Variants in SLC13A1 observed in about 807,000 individuals in gnomAD.
SLC13A1 encodes solute carrier family 13 member 1, also known as Na(+)/sulfate cotransporter.
SLC13A1 carries 65 observed loss-of-function variants against 70.0 expected under a neutral mutation model. The observed-to-expected ratio is 0.93, with a 90% CI of 0.76 to 1.14. The LOEUF (loss-of-function observed/expected upper bound fraction) is 1.14. Ranked by LOEUF, SLC13A1 falls within the 50% of genes most tolerant of loss-of-function variation. The pLI, the probability that SLC13A1 is intolerant of heterozygous loss-of-function variation, is 0.00. For synonymous variants in SLC13A1, 275 were observed against 250.5 expected (o/e 1.10, Z -0.92); for missense variants, 726 against 717.8 (o/e 1.01, Z -0.13).
At chr7:123,188,539 A>G (rs1795892145) in intron 1 of SLC13A1, among the ~76,000 whole-genome samples, 1 of 152,264 alleles carries the variant, frequency 6.6e-6, no homozygotes, top group African/African-American at 2.4e-5. Context: ...GTATTTTCAC[A>G]GTTATTGAAC....
chr7:123,179,882 T>C (rs1795583042), intron 2 of SLC13A1, among the ~76,000 whole-genome samples: 1 of 152,170 alleles, frequency 6.6e-6, no homozygotes. Context: ...TTTGACACCC[T>C]ATTTTTAACA....
In SLC13A1 at chr7:123,162,929, A is replaced by G. The variant is rs146418030; in HGVS notation, c.660+5445T>C. The stretch of plus-strand genomic sequence containing the variant: ...TTTGAGGAATTACAACTTATATTAA[A>G]CTAATGAAAAACAATTATCTCAGAT... On this transcript the variant is annotated intron_variant, in intron 6 of 14. Coordinates refer to ENST00000194130, the MANE Select transcript of SLC13A1 (RefSeq NM_022444.4). Among the ~76,000 whole-genome samples, 374 of 152,224 alleles carry G rather than the reference A, an allele frequency of 2.5e-3. 2 individuals carry two copies. Among genetic ancestry groups the G allele is most frequent in the African/African-American group, 8.2e-3 (341 of 41,556 alleles).
intron 6 of SLC13A1, among the ~76,000 whole-genome samples, chr7:123,166,045 C>T (rs553772492): frequency 5.9e-5 from 9 of 152,120 alleles, no homozygotes; most frequent in East Asian, 2.0e-4. Context: ...TATACTTCCT[C>T]GCTGCAGTAC....
chr7:123,149,165 T>C (rs1043051996), intron 6 of SLC13A1, among the ~76,000 whole-genome samples: 6 of 152,106 alleles, frequency 3.9e-5, no homozygotes, highest in African/African-American at 1.2e-4. Context: ...AATCCACTTA[T>C]GCTGTCAAAA....
chr7:123,189,723 T>C (rs1031401978), intron 1 of SLC13A1, among the ~76,000 whole-genome samples: 1 of 152,068 alleles, frequency 6.6e-6, no homozygotes, highest in African/African-American at 2.4e-5. Context: ...AGGTCTATTA[T>C]ATATTTATTA....
intron 8 of SLC13A1, among the ~76,000 whole-genome samples, chr7:123,132,676 C>A (rs1409547890): frequency 6.6e-6 from 1 of 152,174 alleles, no homozygotes; most frequent in Non-Finnish European, 1.5e-5. Flanking sequence ...TGGCTTCAGT[C>A]TCTCTGGTTT....
intron 1 of SLC13A1, among the ~76,000 whole-genome samples, chr7:123,195,005 C>T (rs1300911215): frequency 2.0e-5 from 3 of 152,026 alleles, no homozygotes; most frequent in Non-Finnish European, 2.9e-5. Context: ...CTACTTTTGC[C>T]ATTAATATTT....
chr7:123,152,453 T>C (rs1014659110), intron 6 of SLC13A1, among the ~76,000 whole-genome samples: 2 of 152,142 alleles, frequency 1.3e-5, no homozygotes, highest in African/African-American at 4.8e-5. Flanking sequence ...ATGGTTGCAC[T>C]AATTTACATT....
intron 1 of SLC13A1, among the ~76,000 whole-genome samples, chr7:123,190,802 C>A (rs1585409102): frequency 6.6e-6 from 1 of 152,162 alleles, no homozygotes; most frequent in South Asian, 2.1e-4. Context: ...GAGCCTCAAA[C>A]ATGACACATC....
At chr7:123,120,843 G>A (rs962659391) in intron 12 of SLC13A1, among the ~76,000 whole-genome samples, 2 of 151,950 alleles carry the variant, frequency 1.3e-5, no homozygotes, top group Non-Finnish European at 2.9e-5. Context: ...TGTCTAATTA[G>A]ATGTGGAAAT....
chr7:123,146,367 G>A (rs1585327135), intron 7 of SLC13A1, among the ~76,000 whole-genome samples: 1 of 152,024 alleles, frequency 6.6e-6, no homozygotes, highest in Non-Finnish European at 1.5e-5. Context: ...TCTACTAAAA[G>A]TACAAAAATT....
rs530689374 is a variant in SLC13A1, at chr7:123,169,425, G to T, written c.366-90C>A. The T allele has an allele frequency of 2.5e-5, 30 of 1,218,360 alleles. No individual in the cohort carries two copies. In the Admixed American group the frequency reaches 4.7e-4, roughly 19 times the overall value. 75.5% of individuals were successfully genotyped at this position (1,218,360 alleles called of 1,614,324 possible). ...CTGGAAGATGTTTAAGATGTGTTTT[G>T]TGAGTTGGGAAATTAAGTCTTTCAA... On this transcript the variant is annotated intron_variant, in intron 3 of 14. Coordinates refer to ENST00000194130, the MANE Select transcript of SLC13A1 (RefSeq NM_022444.4).
rs545539088 is a variant in SLC13A1 at position 123,199,447 on chromosome 7, C to G, written c.99+401G>C. Among the ~76,000 whole-genome samples the G allele has an allele frequency of 1.2e-4, 19 of 152,136 alleles. No individual in the cohort carries two copies. In the East Asian group the frequency reaches 2.9e-3, roughly 23 times the overall value. On this transcript the variant is annotated intron_variant, in intron 1 of 14. Coordinates refer to ENST00000194130, the MANE Select transcript of SLC13A1 (RefSeq NM_022444.4). ...TTAGTCTGTGCTGGACCTAGGATTT[C>G]CCTTGTTCTTCCACCTCTGTCCCCA...
intron 6 of SLC13A1, among the ~76,000 whole-genome samples, chr7:123,151,670 A>C (rs918027315): frequency 6.6e-6 from 1 of 152,150 alleles, no homozygotes; most frequent in Non-Finnish European, 1.5e-5. Context: ...AAAGACATAG[A>C]GAAGTTAAGT....
chr7:123,165,497 T>C (rs1795040112), intron 6 of SLC13A1, among the ~76,000 whole-genome samples: 1 of 152,120 alleles, frequency 6.6e-6, no homozygotes, highest in African/African-American at 2.4e-5. Flanking sequence ...AGTGGAGGCA[T>C]CTCCTACATT....
chr7:123,142,432 A>G (rs1343592900), intron 7 of SLC13A1, among the ~76,000 whole-genome samples: 1 of 152,100 alleles, frequency 6.6e-6, no homozygotes, highest in Admixed American at 6.5e-5. Flanking sequence ...GGTGCTCTAC[A>G]CCGCTGTGGC....
chr7:123,186,969 G>C (rs1432247597), intron 1 of SLC13A1, among the ~76,000 whole-genome samples: 4 of 147,290 alleles, frequency 2.7e-5, no homozygotes, highest in Admixed American at 6.7e-5. Context: ...TAAAGAAAGA[G>C]AAAAGAGGGG....
At chr7:123,149,326 G>A (rs757139427) in intron 6 of SLC13A1, 13 of 365,880 alleles carry the variant, frequency 3.6e-5, no homozygotes, top group South Asian at 1.5e-4. Flanking sequence ...ATTCAGCCAC[G>A]AGTTTTTACT....
intron 1 of SLC13A1, among the ~76,000 whole-genome samples, chr7:123,191,092 C>T (rs562573026): frequency 9.3e-4 from 142 of 152,206 alleles, no homozygotes; most frequent in African/African-American, 3.1e-3. Context: ...TTCTTCTGCA[C>T]TCCTTGTTTC....
Sources: gnomAD v4.1 joint callset for allele counts (sites outside exome capture counted in the v4.1 genomes callset) on GRCh38, gnomAD v4.1.1 for gene constraint, MANE v1.5 for transcripts, NCBI Gene and HGNC (gene_info 2026-07-23, HGNC 2026-07-21) for gene names.